Variants in NRP1 observed in about 807,000 individuals in gnomAD.
NRP1 encodes the protein neuropilin-1.
NRP1 carries 35 observed loss-of-function variants against 106.7 expected under a neutral mutation model. That is an observed-to-expected ratio of 0.33 (90% CI 0.25 to 0.43). NRP1 has a LOEUF of 0.43. NRP1 is among the 20% of genes least tolerant of loss of function. The pLI is 1.00. For missense variants in NRP1, 1,024 were observed against 1,170.4 expected (o/e 0.87, Z 1.83); for synonymous variants, 437 against 417.9 (o/e 1.05, Z -0.56).
At chr10:33,190,164 G>A (rs796881166) in intron 13 of NRP1, among the ~76,000 whole-genome samples, 1 of 152,174 alleles carries the variant, frequency 6.6e-6, no homozygotes, top group South Asian at 2.1e-4. Flanking sequence ...CAGGAACTCT[G>A]TCTTCATTTT....
At chr10:33,202,655 C>A in intron 11 of NRP1, 1 of 1,542,370 alleles carries the variant, frequency 6.5e-7, no homozygotes, top group Non-Finnish European at 8.8e-7. Context: ...ATAATCCTAG[C>A]CTTTGGCTCT....
At position 33,254,062 on chromosome 10, in the gene NRP1, G is replaced by A; in HGVS notation, c.947C>T (p.Thr316Ile). The A allele has an allele frequency of 6.2e-7, 1 of 1,613,216 alleles. No individual in the cohort carries two copies. The highest frequency in any genetic ancestry group is 8.5e-7 in the Non-Finnish European group (1 of 1,179,796). The change falls in exon 6 of 17, where the codon ACT becomes ATT. Residue 316 changes from threonine (T) to isoleucine (I), a missense_variant. Coordinates refer to ENST00000374867, the MANE Select transcript of NRP1 (RefSeq NM_003873.7). Reference protein sequence around the residue: ...SRLNYPENGWTPGEDSYREWI... With the variant: ...SRLNYPENGWIPGEDSYREWI... ...CTCTCGGTAGGAATCCTCTCCGGGA[G>A]TCCACCCATTCTCAGGGTAGTTCAG...
intron 2 of NRP1, among the ~76,000 whole-genome samples, chr10:33,283,945 C>T (rs1360208568): frequency 6.6e-6 from 1 of 152,198 alleles, no homozygotes; most frequent in East Asian, 1.9e-4. Context: ...CCCATCCTAC[C>T]ATCTAAAGTG....
chr10:33,299,656 C>T (rs779245700), intron 2 of NRP1, among the ~76,000 whole-genome samples: 123 of 152,206 alleles, frequency 8.1e-4, no homozygotes, highest in African/African-American at 2.7e-3. Flanking sequence ...TTTAGTGGCA[C>T]GCACTTGTGG....
chr10:33,192,334 T>A lies in NRP1; in HGVS notation c.2009A>T (p.Gln670Leu), dbSNP rs1202125848. 3.1e-6 allele frequency: 5 copies of A among 1,613,920 alleles called. No individual in the cohort carries two copies. The highest frequency in any genetic ancestry group is 4.2e-6 in the Non-Finnish European group (5 of 1,179,862). ...FCHWEHDNHV[Q>L]LKWSVLTSKT... ...GCTGGTCAACACACTCCACTTGAGC[T>A]GCACGTGATTGTCATGTTCCCAGTG... is the stretch of plus-strand genomic sequence containing the variant. Residue 670 changes from glutamine to leucine, a missense_variant, in exon 13 of 17, where the codon CAG becomes CTG. This residue lies in a region of NRP1 where 562 missense variants were observed against 620.3 expected (regional missense o/e 0.91). Transcript: ENST00000374867.
intron 6 of NRP1, among the ~76,000 whole-genome samples, chr10:33,241,709 G>C (rs1412915533): frequency 6.8e-6 from 1 of 148,124 alleles, no homozygotes; most frequent in Non-Finnish European, 1.5e-5. Flanking sequence ...TAAGGCACAT[G>C]TTTGGAAAGG....
chr10:33,182,637 C>T, intron 16 of NRP1, 61 bp downstream of exon 16: 1 of 1,188,830 alleles, frequency 8.4e-7, no homozygotes, highest in Admixed American at 1.8e-5. Context: ...AAAGTTTCTT[C>T]ATAAACACAA....
Position 33,180,169 on chromosome 10 carries a change from C to T in NRP1, c.2679G>A (p.Leu893=), listed in dbSNP as rs1004607798. ...CWHNGMSERN[L]SALENYNFEL... Reference sequence around the variant, plus strand: ...CAAAGTTATAGTTCTCCAGGGCAGACAAGTTTCTTTCTGACATCCCATTAT... The same window carrying T: ...CAAAGTTATAGTTCTCCAGGGCAGATAAGTTTCTTTCTGACATCCCATTAT... Residue 893 remains leucine (L), a synonymous_variant, in exon 17 of 17, where the codon TTG becomes TTA. Coordinates refer to ENST00000374867, the MANE Select transcript of NRP1 (RefSeq NM_003873.7). 22 of 1,614,034 alleles carry T rather than the reference C, an allele frequency of 1.4e-5. No homozygotes were observed. The highest frequency in any genetic ancestry group is 1.8e-5 in the Non-Finnish European group (21 of 1,180,030).
intron 13 of NRP1, among the ~76,000 whole-genome samples, chr10:33,187,423 C>T (rs2073322): frequency 0.33 from 50,544 of 151,796 alleles, 8,890 homozygotes; most frequent in East Asian, 0.63. Context: ...TCATGGTTTT[C>T]GAATTCCTTA....
chr10:33,199,389 ATT>A (rs1160327036), intron 11 of NRP1, among the ~76,000 whole-genome samples: 151 of 36,658 alleles, frequency 4.1e-3, no homozygotes, highest in African/African-American at 0.016. Flanking sequence ...ATATATATAT[ATT>A]TTTTTTTTTT....
chr10:33,303,892 G>A (rs1845969878), intron 2 of NRP1, among the ~76,000 whole-genome samples: 1 of 152,074 alleles, frequency 6.6e-6, no homozygotes, highest in Non-Finnish European at 1.5e-5. Flanking sequence ...TATGATACTG[G>A]CATATGATAT....
chr10:33,202,899 T>C lies in NRP1; in HGVS notation c.1856A>G (p.Gln619Arg). 1.2e-6 allele frequency: 2 copies of C among 1,614,252 alleles called. No homozygotes were observed. The highest frequency in any genetic ancestry group is 1.7e-6 in the Non-Finnish European group (2 of 1,180,046). Residue 619 changes from glutamine to arginine, a missense_variant, in exon 11 of 17, where the codon CAG (glutamine) becomes CGG (arginine). By Grantham distance (43) the Gln-to-Arg change is conservative. This residue lies in a region of NRP1 where 562 missense variants were observed against 620.3 expected (regional missense o/e 0.91). Transcript: ENST00000374867. Reference protein sequence around the residue: ...NCHSGTGDDFQLTGGTTVLAT... With the variant: ...NCHSGTGDDFRLTGGTTVLAT... ...GAAGATGGTTTCTGCACCTGTGAGC[T>C]GGAAGTCATCACCTGTTCCACTGTG... is the stretch of plus-strand genomic sequence containing the variant.
chr10:33,186,890 T>C (rs1297774858), intron 13 of NRP1, among the ~76,000 whole-genome samples: 1 of 152,116 alleles, frequency 6.6e-6, no homozygotes, highest in African/African-American at 2.4e-5. Context: ...TGTTAGACAC[T>C]CCTGTTGCCC....
chr10:33,297,195 TA>T lies in NRP1; in HGVS notation c.249-26340del, dbSNP rs570800354. ...GGCTGTGGGTTGGGGTTGTGTGCCT[TA>T]TTGCAGGAAGCAGCACACTTCTGAG... On this transcript the variant is annotated intron_variant, in intron 2 of 16. Coordinates refer to ENST00000374867, the MANE Select transcript of NRP1 (RefSeq NM_003873.7). Among the ~76,000 whole-genome samples the T allele has an allele frequency of 1.6e-3, 247 of 152,296 alleles. 2 individuals are homozygous for T. In the Middle Eastern group the frequency reaches 0.027, roughly 17 times the overall value.
intron 2 of NRP1, among the ~76,000 whole-genome samples, chr10:33,321,368 G>A (rs1299051419): frequency 2.6e-5 from 4 of 152,020 alleles, no homozygotes; most frequent in Admixed American, 2.6e-4. Flanking sequence ...TCACTTTATT[G>A]GAGAATAAAA....
In NRP1 at chr10:33,178,425, G is replaced by C. The variant is rs1423364796; in HGVS notation, c.*1651C>G. The C allele has an allele frequency of 1.3e-5, 2 of 152,224 alleles. No homozygotes were observed. Among genetic ancestry groups the C allele is most frequent in the Non-Finnish European group, 2.9e-5 (2 of 68,032 alleles). 9.4% of individuals were successfully genotyped at this position (152,224 alleles called of 1,614,324 possible). On this transcript the variant is annotated 3_prime_UTR_variant, in exon 17 of 17. Coordinates refer to ENST00000374867, the MANE Select transcript of NRP1 (RefSeq NM_003873.7). ...CTTTGTGAGCCGCTGGAAGTTTCTA[G>C]AAGCATTCATTTAAGTCTATTTTTT...
At chr10:33,240,905 C>G (rs2269089) in intron 6 of NRP1, among the ~76,000 whole-genome samples, 18,999 of 152,200 alleles carry the variant, frequency 0.12, 1,571 homozygotes, top group East Asian at 0.5. Context: ...TTCCTGAGAA[C>G]AGATGAAGTG....
intron 2 of NRP1, among the ~76,000 whole-genome samples, chr10:33,285,858 C>CAAAAT (rs1226152726): frequency 1.3e-5 from 2 of 151,706 alleles, no homozygotes; most frequent in Admixed American, 1.3e-4. Flanking sequence ...CAAAACAAAA[C>CAAAAT]AAAACAAACA....
In NRP1 at chr10:33,275,263, A is replaced by G. The variant is rs200483263; in HGVS notation, c.249-4407T>C. 1.1e-4 allele frequency among the ~76,000 whole-genome samples: 16 copies of G among 152,322 alleles called. No homozygotes were observed. The East Asian group carries it at 2.7e-3, about 26-fold the overall frequency. On this transcript the variant is annotated intron_variant, in intron 2 of 16. Coordinates refer to ENST00000374867, the MANE Select transcript of NRP1 (RefSeq NM_003873.7). ...CGAACAACCCAAAATAATGTCAAAT[A>G]CCATGGAATATTATTCAGCCACTAA... is the stretch of plus-strand genomic sequence containing the variant.
Sources: allele counts gnomAD v4.1 joint callset (sites outside exome capture counted in the v4.1 genomes callset), GRCh38; gene constraint gnomAD v4.1.1; regional missense constraint gnomAD v4.1.1; transcripts MANE v1.5; gene names NCBI Gene and HGNC (gene_info 2026-07-23, HGNC 2026-07-21).